The following ADAM9 variants were observed in gnomAD, a reference collection of about 807,000 sequenced individuals.
ADAM9 encodes the protein disintegrin and metalloproteinase domain-containing protein 9.
In ADAM9, 54 loss-of-function variants were observed where a neutral mutation model predicts 108.1. That is an observed-to-expected ratio of 0.50 (90% confidence interval 0.40 to 0.63). The LOEUF is 0.63. Among genes scored for constraint, ADAM9 ranks in the 20% least tolerant of loss-of-function variants. ADAM9 has a pLI of 0.00. For synonymous variants in ADAM9, 316 were observed against 336.0 expected, an observed-to-expected ratio of 0.94 and a Z score of 0.65; for missense variants, 830 against 997.7, an observed-to-expected ratio of 0.83 and a Z score of 2.26.
chr8:39,081,360 C>A (rs1839019675), intron 16 of ADAM9, among the ~76,000 whole-genome samples: 1 of 152,146 alleles, frequency 6.6e-6, no homozygotes, highest in African/African-American at 2.4e-5. Context: ...AATTTTCCTG[C>A]CCCTTAAAGT....
intron 14 of ADAM9, 106 bp downstream of exon 14, chr8:39,055,878 G>C (rs1838106221): frequency 1.7e-6 from 2 of 1,149,998 alleles, no homozygotes; most frequent in South Asian, 2.9e-5. Flanking sequence ...AGGCTCTCTT[G>C]TTTCTCATCG....
At chr8:39,064,942 C>G (rs986281909) in intron 14 of ADAM9, among the ~76,000 whole-genome samples, 2 of 152,108 alleles carry the variant, frequency 1.3e-5, no homozygotes, top group Admixed American at 6.5e-5. Context: ...TTCCCTCACC[C>G]CCTCTGAAAA....
At chr8:39,024,830 G>A (rs1022492071) in intron 9 of ADAM9, among the ~76,000 whole-genome samples, 2 of 152,132 alleles carry the variant, frequency 1.3e-5, no homozygotes, top group African/African-American at 2.4e-5. Flanking sequence ...AAAATAAAAC[G>A]GGAGGGTAGA....
intron 9 of ADAM9, among the ~76,000 whole-genome samples, chr8:39,025,042 A>G (rs537268350): frequency 6.6e-6 from 1 of 152,140 alleles, no homozygotes; most frequent in Admixed American, 6.5e-5. Flanking sequence ...GTGCTGAGGT[A>G]CAGGTGTGTG....
At position 39,104,071 on chromosome 8, in the gene ADAM9, A is replaced by C. The variant is rs766861630; in HGVS notation, c.*371A>C. On this transcript the variant is annotated 3_prime_UTR_variant, in exon 22 of 22. Transcript: ENST00000487273. ...GTTTAAGTGTTATTCTGAATTTTCT[A>C]CCTTAGTTATCATTAATGTAGTTCC... The C allele has an allele frequency of 4.3e-6, 2 of 465,846 alleles. No individual in the cohort carries two copies. Among genetic ancestry groups the C allele is most frequent in the Non-Finnish European group, 8.5e-6 (2 of 235,006 alleles). 28.9% of individuals were successfully genotyped at this position (465,846 alleles called of 1,614,324 possible).
At chr8:39,098,484 T>A (rs1045543197) in intron 20 of ADAM9, among the ~76,000 whole-genome samples, 1 of 152,236 alleles carries the variant, frequency 6.6e-6, no homozygotes, top group Non-Finnish European at 1.5e-5. Flanking sequence ...TTATATTGGA[T>A]CTACCTTCTA....
At chr8:39,019,760 T>TA (rs1186968375) in intron 7 of ADAM9, among the ~76,000 whole-genome samples, 4 of 152,184 alleles carry the variant, frequency 2.6e-5, no homozygotes, top group Non-Finnish European at 5.9e-5. Flanking sequence ...TTTTTGGTTT[T>TA]AAAAAAATTC....
intron 12 of ADAM9, 57 bp from the exon 13 acceptor site, chr8:39,054,424 A>G: frequency 6.3e-6 from 9 of 1,430,964 alleles, no homozygotes; most frequent in Non-Finnish European, 8.8e-6. Flanking sequence ...GAATTTTATT[A>G]ATGAGTATTC....
intron 15 of ADAM9, among the ~76,000 whole-genome samples, chr8:39,073,909 C>CTTGTTCAATCACTTA (rs1159252928): frequency 1.3e-5 from 2 of 152,126 alleles, no homozygotes; most frequent in African/African-American, 4.8e-5. Flanking sequence ...GATTTGAATC[C>CTTGTTCAATCACTTA]TTGTTCAATC....
chr8:39,076,113 AAAC>A (rs1838843267), intron 15 of ADAM9: 1 of 152,218 alleles, frequency 6.6e-6, no homozygotes, highest in Non-Finnish European at 1.5e-5. Context: ...TATCTAGAAT[AAAC>A]AAGAGCTCCA....
intron 6 of ADAM9, among the ~76,000 whole-genome samples, chr8:39,017,804 G>A (rs914896809): frequency 6.6e-6 from 1 of 151,926 alleles, no homozygotes; most frequent in African/African-American, 2.4e-5. Context: ...CATTACCCAG[G>A]CTGGTCTTGA....
chr8:39,101,743 C>G (rs1839701300), intron 20 of ADAM9, 120 bp from the exon 21 acceptor site: 1 of 866,414 alleles, frequency 1.2e-6, no homozygotes, highest in Admixed American at 2.8e-5. Context: ...CTAAGCATTT[C>G]TGATAAGGAA....
At chr8:39,081,957 T>C (rs140533665) in intron 16 of ADAM9, among the ~76,000 whole-genome samples, 32 of 152,286 alleles carry the variant, frequency 2.1e-4, no homozygotes, top group Non-Finnish European at 4.3e-4. Context: ...TTGAGCTGAT[T>C]TCTTTAGATC....
chr8:39,099,662 T>A lies in ADAM9; in HGVS notation c.2299-2201T>A, dbSNP rs546375684. Among the ~76,000 whole-genome samples, 64 of 152,256 alleles carry A rather than the reference T, an allele frequency of 4.2e-4. 1 individual carries two copies. The highest frequency in any genetic ancestry group is 1.4e-3 in the African/African-American group (60 of 41,560). On this transcript the variant is annotated intron_variant, in intron 20 of 21. Coordinates refer to ENST00000487273, the MANE Select transcript of ADAM9 (RefSeq NM_003816.3). ...AGATAAATGCCAAAAAAGATTAAAA[T>A]TTTTTTAAATTAATTTTAGTTTTAA... is the stretch of plus-strand genomic sequence containing the variant.
intron 11 of ADAM9, among the ~76,000 whole-genome samples, chr8:39,027,801 G>A (rs879790275): frequency 2.2e-4 from 33 of 152,034 alleles, no homozygotes; most frequent in Admixed American, 2.0e-3. Flanking sequence ...ACAAATACAG[G>A]ACGGACCTGG....
chr8:39,043,507 T>G (rs1837517839), intron 12 of ADAM9, among the ~76,000 whole-genome samples: 2 of 152,216 alleles, frequency 1.3e-5, no homozygotes, highest in South Asian at 4.1e-4. Context: ...GATTTTGATT[T>G]GCATTTCCAT....
intron 12 of ADAM9, 133 bp from the exon 13 acceptor site, chr8:39,054,348 C>T (rs1838047528): frequency 1.3e-6 from 1 of 757,758 alleles, no homozygotes. Context: ...AAACAGTAAG[C>T]AACTGTTTCT....
chr8:39,091,943 A>G (rs1035833138), intron 20 of ADAM9, among the ~76,000 whole-genome samples: 2 of 152,052 alleles, frequency 1.3e-5, no homozygotes, highest in African/African-American at 2.4e-5. Flanking sequence ...CTCTTTTCCT[A>G]TTTTCAATAC....
intron 5 of ADAM9, 198 bp from the exon 6 acceptor site, chr8:39,017,021 C>T (rs376957722): frequency 5.8e-5 from 34 of 591,282 alleles, no homozygotes; most frequent in African/African-American, 2.8e-4. Flanking sequence ...CAGGCAGTGA[C>T]GCTGCTAAGT....
Sources: allele counts gnomAD v4.1 joint callset (sites outside exome capture counted in the v4.1 genomes callset), GRCh38; gene constraint gnomAD v4.1.1; transcripts MANE v1.5; gene names NCBI Gene and HGNC (gene_info 2026-07-23, HGNC 2026-07-21).